Variants in LIN9 observed in about 807,000 individuals in gnomAD.
LIN9 encodes the protein lin-9 DREAM MuvB core complex component, also known as protein lin-9 homolog.
A neutral mutation model predicts 78.0 loss-of-function variants in LIN9; 18 were observed. The observed-to-expected ratio is 0.23, with a 90% confidence interval of 0.16 to 0.34. LIN9 has a LOEUF of 0.34. Ranked by LOEUF, LIN9 falls within the 10% of genes least tolerant of loss-of-function variation. The pLI, the probability that LIN9 is intolerant of heterozygous loss-of-function variation, is 1.00. For missense variants in LIN9, 451 were observed against 644.1 expected (o/e 0.70, Z 3.25); for synonymous variants, 192 against 215.2 (o/e 0.89, Z 0.94).
chr1:226,304,695 C>T (rs1662790566), intron 1 of LIN9, among the ~76,000 whole-genome samples: 1 of 151,854 alleles, frequency 6.6e-6, no homozygotes, highest in South Asian at 2.1e-4. Flanking sequence ...CAGGTTAAGT[C>T]CTAAGAAGGG....
chr1:226,295,177 C>T (rs918248122), intron 4 of LIN9, among the ~76,000 whole-genome samples: 1 of 151,966 alleles, frequency 6.6e-6, no homozygotes, highest in Admixed American at 6.6e-5. Context: ...CAGCAGGGTG[C>T]AGTGGCTCAC....
At chr1:226,309,080 A>AG (rs746287388) in intron 1 of LIN9, 29 bp downstream of exon 1, 246 of 1,297,110 alleles carry the variant, frequency 1.9e-4, no homozygotes, top group Admixed American at 2.8e-4. Context: ...AGGCGGGAAA[A>AG]GGGGGGGGTG....
At chr1:226,236,404 T>TA (rs2102828224) in intron 12 of LIN9, among the ~76,000 whole-genome samples, 1 of 152,140 alleles carries the variant, frequency 6.6e-6, no homozygotes, top group South Asian at 2.1e-4. Context: ...TTGAGCTTTA[T>TA]AAAAATGTAA....
At chr1:226,234,537 T>C (rs768929280) in intron 12 of LIN9, among the ~76,000 whole-genome samples, 2 of 152,138 alleles carry the variant, frequency 1.3e-5, no homozygotes, top group African/African-American at 2.4e-5. Context: ...TCCCCGTAAT[T>C]TGGGGGCACA....
chr1:226,267,670 T>C (rs1177434315), intron 8 of LIN9, among the ~76,000 whole-genome samples: 1 of 152,118 alleles, frequency 6.6e-6, no homozygotes, highest in Non-Finnish European at 1.5e-5. Flanking sequence ...GCAATGAAAA[T>C]GTTATGTAGC....
At chr1:226,309,088 G>GT in intron 1 of LIN9, 21 bp downstream of exon 1, 1 of 1,310,952 alleles carries the variant, frequency 7.6e-7, no homozygotes, top group African/African-American at 1.5e-5. Flanking sequence ...AAAGGGGGGG[G>GT]TGCTTTGAGG....
chr1:226,295,519 T>C (rs981800717), intron 4 of LIN9, among the ~76,000 whole-genome samples: 1 of 151,962 alleles, frequency 6.6e-6, no homozygotes. Flanking sequence ...AAGTCTTCAA[T>C]GTACTTCTCT....
In LIN9 at chr1:226,233,140, G is replaced by A; in HGVS notation, c.1479C>T (p.Asp493=). Reference sequence around the variant, plus strand: ...TTGTACTCTTGATATCATTTAATGAGTCTGTAAGTGATTTGAATTCAAAGG... The same window carrying A: ...TTGTACTCTTGATATCATTTAATGAATCTGTAAGTGATTTGAATTCAAAGG... ...LNSFEFKSLT[D]SLNDIKSTID... is the part of the protein sequence containing the mutation. Residue 493 remains aspartate (D), a synonymous_variant, in exon 14 of 15, where the codon GAC becomes GAT. Coordinates refer to ENST00000681046, the MANE Select transcript of LIN9 (RefSeq NM_001366245.2). 1.2e-6 allele frequency: 2 copies of A among 1,608,876 alleles called. No homozygotes were observed. Among genetic ancestry groups the A allele is most frequent in the Non-Finnish European group, 1.7e-6 (2 of 1,178,102 alleles).
intron 8 of LIN9, among the ~76,000 whole-genome samples, chr1:226,267,248 T>TATAC (rs1163593434): frequency 6.8e-6 from 1 of 147,768 alleles, no homozygotes; most frequent in Admixed American, 6.8e-5. Flanking sequence ...TATATATATA[T>TATAC]ATATATTTCT....
chr1:226,231,851 AAAC>A lies in LIN9; in HGVS notation c.*647_*649del, dbSNP rs1427495929. The A allele has an allele frequency of 1.1e-5, 3 of 264,480 alleles. No homozygotes were observed. Among genetic ancestry groups the A allele is most frequent in the Non-Finnish European group, 2.1e-5 (3 of 144,412 alleles). The allele number at this position is 264,480 out of a possible 1,614,324, so 16.4% of individuals were successfully genotyped here. A position where few individuals can be genotyped will look rare whatever the true frequency, so the allele number is the denominator to read the frequency against. ...CCCTGTTCCTTCATTTTCTTTCAAC[AAAC>A]AACAAAGGTTTCTTTTATATGTTAT... On this transcript the variant is annotated 3_prime_UTR_variant, in exon 15 of 15. Transcript: ENST00000681046.
At position 226,295,832 on chromosome 1, in the gene LIN9, A is replaced by G; in HGVS notation, c.264+10T>C. ...CTTTCCAATGAAACAAAATTTTAGC[A>G]CACACATACCTGTGGAACCATTGCA... On this transcript the variant is annotated intron_variant, in intron 4 of 14. Transcript: ENST00000681046. 1 of 1,555,806 alleles carries G rather than the reference A, an allele frequency of 6.4e-7. No individual in the cohort carries two copies. The highest frequency in any genetic ancestry group is 1.7e-4 in the Middle Eastern group (1 of 5,876).
At chr1:226,296,786 C>T (rs1303195434) in intron 3 of LIN9, among the ~76,000 whole-genome samples, 4 of 151,918 alleles carry the variant, frequency 2.6e-5, no homozygotes, top group Non-Finnish European at 2.9e-5. Flanking sequence ...TTTGGAAGGC[C>T]GAGGCAGGAG....
At chr1:226,244,153 G>A (rs928525774) in intron 11 of LIN9, among the ~76,000 whole-genome samples, 1 of 150,742 alleles carries the variant, frequency 6.6e-6, no homozygotes, top group Non-Finnish European at 1.5e-5. Context: ...TGGGATTACA[G>A]GCGTGAGCCA....
chr1:226,286,277 A>G (rs1661374643), intron 6 of LIN9, 56 bp downstream of exon 6: 1 of 1,565,348 alleles, frequency 6.4e-7, no homozygotes, highest in East Asian at 2.2e-5. Flanking sequence ...TTATAAGTAC[A>G]TGCACTGCTA....
At chr1:226,301,405 A>G (rs1304575704) in intron 1 of LIN9, among the ~76,000 whole-genome samples, 200 bp from the exon 2 acceptor site, 1 of 152,228 alleles carries the variant, frequency 6.6e-6, no homozygotes, top group Non-Finnish European at 1.5e-5. Context: ...CTGGAGAGAG[A>G]CATATGAGAG....
At chr1:226,248,819 A>T (rs752864090) in intron 11 of LIN9, among the ~76,000 whole-genome samples, 2 of 152,198 alleles carry the variant, frequency 1.3e-5, no homozygotes, top group Non-Finnish European at 2.9e-5. Context: ...TGACTCATTA[A>T]ATCATTTCAT....
rs568855258 is a variant in LIN9 at position 226,233,658 on chromosome 1, GAAGT to G, written c.1246-139_1246-136del. The G allele has an allele frequency of 9.5e-5, 49 of 516,744 alleles. 1 individual carries two copies. The East Asian group carries it at 1.6e-3, about 17-fold the overall frequency. 32.0% of individuals were successfully genotyped at this position (516,744 alleles called of 1,614,324 possible). On this transcript the variant is annotated intron_variant, in intron 12 of 14. Transcript: ENST00000681046. ...AAACTAAAGTGGTACTCTTACCTTA[GAAGT>G]TTTTTTCCTTTAACAGTTTCTGATT...
intron 4 of LIN9, among the ~76,000 whole-genome samples, chr1:226,289,191 C>T (rs1394704281): frequency 6.6e-6 from 1 of 151,766 alleles, no homozygotes. Context: ...GCAGAGATCA[C>T]ACCACTGCAC....
chr1:226,302,769 C>G (rs975418069), intron 1 of LIN9, among the ~76,000 whole-genome samples: 1 of 152,140 alleles, frequency 6.6e-6, no homozygotes, highest in Admixed American at 6.5e-5. Context: ...ACAAAAGCAG[C>G]TATGATTTAC....
Sources: allele counts gnomAD v4.1 joint callset (sites outside exome capture counted in the v4.1 genomes callset), GRCh38; gene constraint gnomAD v4.1.1; transcripts MANE v1.5; gene names NCBI Gene and HGNC (gene_info 2026-07-23, HGNC 2026-07-21).